The following NT5C3A variants were observed in gnomAD, a reference collection of about 807,000 sequenced individuals.
The protein encoded by NT5C3A is cytosolic 5'-nucleotidase 3A.
Under a neutral mutation model 40.0 loss-of-function variants are expected in NT5C3A, and 23 were observed. The ratio of observed to expected loss-of-function variants is 0.58; its 90% confidence interval spans 0.41 to 0.81. The LOEUF (loss-of-function observed/expected upper bound fraction) is 0.81, where lower values mean the gene tolerates loss of function less well. Ranked by LOEUF, NT5C3A falls within the 40% of genes least tolerant of loss-of-function variation. The pLI is 0.00. For missense variants in NT5C3A, 328 were observed against 403.0 expected, an observed-to-expected ratio of 0.81 and a Z score of 1.59; for synonymous variants, 130 against 141.4, an observed-to-expected ratio of 0.92 and a Z score of 0.57.
chr7:33,056,973 G>A (rs954132749), intron 1 of NT5C3A, among the ~76,000 whole-genome samples: 18 of 151,842 alleles, frequency 1.2e-4, no homozygotes, highest in Admixed American at 7.2e-4. Context: ...CACCATGCCC[G>A]GCTAATTTTT....
chr7:33,060,369 C>CTTTTTTTT (rs3082829), intron 1 of NT5C3A, among the ~76,000 whole-genome samples: 2 of 78,474 alleles, frequency 2.5e-5, no homozygotes, highest in African/African-American at 5.5e-5. Flanking sequence ...TGCTTTCCTT[C>CTTTTTTTT]TTTTTTTTTT....
chr7:33,042,566 T>G (rs1786973359), intron 1 of NT5C3A, among the ~76,000 whole-genome samples: 1 of 152,220 alleles, frequency 6.6e-6, no homozygotes, highest in Admixed American at 6.5e-5. Context: ...AATGATGACT[T>G]AAATGTACTT....
In NT5C3A at chr7:33,014,687, C is replaced by G. The variant is rs1240113562; in HGVS notation, c.*43G>C. The G allele has an allele frequency of 1.2e-6, 2 of 1,606,478 alleles. No homozygotes were observed. The highest frequency in any genetic ancestry group is 1.7e-6 in the Non-Finnish European group (2 of 1,176,434). The stretch of plus-strand genomic sequence containing the variant: ...CAGCAAGATGAACGGATGAACAGTT[C>G]AATTGCACCCACAGGAGAGAGGTCT... On this transcript the variant is annotated 3_prime_UTR_variant, in exon 9 of 9. Coordinates refer to ENST00000610140, the MANE Select transcript of NT5C3A (RefSeq NM_001002010.5).
rs760979556 is a variant in NT5C3A, at chr7:33,024,076, T to G, written c.270A>C (p.Arg90Ser). The change falls in exon 3 of 9, where the codon AGA becomes AGC. Residue 90 changes from arginine to serine, a missense_variant. This residue lies in a region of NT5C3A where 280 missense variants were observed against 317.2 expected (regional missense o/e 0.88). Coordinates refer to ENST00000610140, the MANE Select transcript of NT5C3A (RefSeq NM_001002010.5). ...GGCATCTTTTCCCTTTATATGAAAATCTACTGAGTGTCATATCAAAGTCCG... is the reference window on the plus strand; with the variant it reads ...GGCATCTTTTCCCTTTATATGAAAAGCTACTGAGTGTCATATCAAAGTCCG... The part of the protein sequence containing the change: ...IITDFDMTLS[R>S]FSYKGKRCPT... The G allele has an allele frequency of 6.9e-6, 11 of 1,585,032 alleles. No individual in the cohort carries two copies. Among genetic ancestry groups the G allele is most frequent in the Non-Finnish European group, 8.7e-6 (10 of 1,154,162 alleles).
intron 1 of NT5C3A, among the ~76,000 whole-genome samples, chr7:33,040,240 A>AT (rs1786849038): frequency 6.6e-6 from 1 of 152,180 alleles, no homozygotes; most frequent in Non-Finnish European, 1.5e-5. Flanking sequence ...AAAAAAACCT[A>AT]TAAAATATAG....
intron 1 of NT5C3A, chr7:33,046,206 A>G (rs1787142053): frequency 6.6e-6 from 1 of 152,180 alleles, no homozygotes; most frequent in African/African-American, 2.4e-5. Flanking sequence ...AACTGATGAG[A>G]ACCTATGGTT....
rs1785607302 is a variant in NT5C3A, at chr7:33,021,202, C to T, written c.440+70G>A. ...GTTTGCAATACAGGTAAAAAATAAG[C>T]CATCAGTTGTAACTGCAGTGTTGTT... On this transcript the variant is annotated intron_variant, in intron 5 of 8. Transcript: ENST00000610140. The T allele has an allele frequency of 1.9e-5, 30 of 1,588,904 alleles. No individual in the cohort carries two copies. The South Asian group carries it at 2.5e-4, about 13-fold the overall frequency.
intron 1 of NT5C3A, chr7:33,046,062 AC>A (rs1787131278): frequency 6.6e-6 from 1 of 152,266 alleles, no homozygotes; most frequent in African/African-American, 2.4e-5. Flanking sequence ...CCTCCCAGGG[AC>A]CATAGGCGCT....
chr7:33,062,145 T>A (rs541640725), intron 1 of NT5C3A, among the ~76,000 whole-genome samples: 1 of 152,060 alleles, frequency 6.6e-6, no homozygotes, highest in East Asian at 1.9e-4. Context: ...GCAACTAGAT[T>A]AGCGGCAACG....
At chr7:33,050,336 C>G (rs182034515) in intron 1 of NT5C3A, among the ~76,000 whole-genome samples, 8 of 152,074 alleles carry the variant, frequency 5.3e-5, no homozygotes, top group African/African-American at 1.9e-4. Flanking sequence ...TTTCTTAAGC[C>G]GACTATAGTA....
intron 1 of NT5C3A, among the ~76,000 whole-genome samples, chr7:33,056,388 G>A (rs958584498): frequency 7.5e-6 from 1 of 133,054 alleles, no homozygotes; most frequent in Non-Finnish European, 1.5e-5. Flanking sequence ...TATAATCCCA[G>A]CACTTTGGGC....
intron 1 of NT5C3A, among the ~76,000 whole-genome samples, chr7:33,059,862 G>A (rs913625896): frequency 8.5e-5 from 13 of 152,152 alleles, no homozygotes; most frequent in African/African-American, 3.1e-4. Context: ...TCTTTCGCAA[G>A]CAATACTACC....
At chr7:33,058,841 A>G (rs1417972548) in intron 1 of NT5C3A, among the ~76,000 whole-genome samples, 1 of 152,188 alleles carries the variant, frequency 6.6e-6, no homozygotes, top group Non-Finnish European at 1.5e-5. Context: ...AACAAAACAA[A>G]ATACCCATCC....
intron 1 of NT5C3A, among the ~76,000 whole-genome samples, chr7:33,047,880 G>A (rs1454532207): frequency 1.3e-5 from 2 of 152,224 alleles, no homozygotes; most frequent in South Asian, 2.1e-4. Context: ...GGAGTGCAGT[G>A]GTATGATCTT....
intron 4 of NT5C3A, 74 bp from the exon 5 acceptor site, chr7:33,021,431 C>T (rs1215949256): frequency 6.6e-6 from 10 of 1,519,462 alleles, no homozygotes; most frequent in African/African-American, 2.8e-5. Flanking sequence ...GAAAGCAAAA[C>T]AATGTAAACA....
In NT5C3A at chr7:33,056,473, C is replaced by CAAAAAAAA. The variant is rs70989927; in HGVS notation, c.138+6087_138+6094dup. 1.3e-3 allele frequency among the ~76,000 whole-genome samples: 55 copies of CAAAAAAAA among 43,718 alleles called. 8 individuals carry two copies. Among genetic ancestry groups the CAAAAAAAA allele is most frequent in the Non-Finnish European group, 1.7e-3 (41 of 24,626 alleles). The allele number at this position is 43,718 out of a possible 152,430, so 28.7% of individuals were successfully genotyped here. A position where few individuals can be genotyped will look rare whatever the true frequency, so the allele number is the denominator to read the frequency against. On this transcript the variant is annotated intron_variant, in intron 1 of 8. Coordinates refer to ENST00000610140, the MANE Select transcript of NT5C3A (RefSeq NM_001002010.5). ...GCAAATAGTGAGACCCCGTCTCTAC[C>CAAAAAAAA]AAAAAAAAAAAAAAAAAAAAAAAAA...
chr7:33,035,386 G>A (rs1786540961), intron 1 of NT5C3A, among the ~76,000 whole-genome samples: 2 of 151,730 alleles, frequency 1.3e-5, no homozygotes, highest in African/African-American at 4.8e-5. Flanking sequence ...GTAGAGATGG[G>A]GTTTCACTGT....
chr7:33,038,655 C>T (rs1786737519), intron 1 of NT5C3A, among the ~76,000 whole-genome samples: 1 of 152,038 alleles, frequency 6.6e-6, no homozygotes, highest in African/African-American at 2.4e-5. Flanking sequence ...AGTCCTTATA[C>T]AAAAATTACT....
chr7:33,054,309 GTGCCAC>G (rs1787484920), intron 1 of NT5C3A, among the ~76,000 whole-genome samples: 1 of 151,624 alleles, frequency 6.6e-6, no homozygotes, highest in Admixed American at 6.6e-5. Context: ...AGCCATGATG[GTGCCAC>G]TGCACTCCAG....
Sources: allele counts gnomAD v4.1 joint callset (sites outside exome capture counted in the v4.1 genomes callset), GRCh38; gene constraint gnomAD v4.1.1; regional missense constraint gnomAD v4.1.1; transcripts MANE v1.5; gene names NCBI Gene and HGNC (gene_info 2026-07-23, HGNC 2026-07-21).